The following BBS9 variants were observed in gnomAD, a reference collection of about 807,000 sequenced individuals.
BBS9 encodes Bardet-Biedl syndrome 9.
Under a neutral mutation model 117.7 loss-of-function variants are expected in BBS9, and 89 were observed. The ratio of observed to expected loss-of-function variants is 0.76; its 90% confidence interval spans 0.64 to 0.90. The LOEUF (loss-of-function observed/expected upper bound fraction) is 0.90, where lower values mean the gene tolerates loss of function less well. Among genes scored for constraint, BBS9 ranks in the 40% least tolerant of loss-of-function variants. The pLI, the probability that BBS9 is intolerant of heterozygous loss-of-function variation, is 0.00. For synonymous variants in BBS9, 379 were observed against 370.9 expected (o/e 1.02, Z -0.25); for missense variants, 982 against 1,042.2 (o/e 0.94, Z 0.80).
intron 4 of BBS9, among the ~76,000 whole-genome samples, chr7:33,167,820 T>C (rs1795935844): frequency 6.6e-6 from 1 of 152,168 alleles, no homozygotes; most frequent in Non-Finnish European, 1.5e-5. Flanking sequence ...AAAGATACCA[T>C]ACTCTAGGAT....
At chr7:33,504,632 C>T (rs989217798) in intron 19 of BBS9, among the ~76,000 whole-genome samples, 5 of 152,016 alleles carry the variant, frequency 3.3e-5, no homozygotes, top group African/African-American at 9.7e-5. Flanking sequence ...TGAGCCTCTG[C>T]GGCAGTCAGT....
intron 21 of BBS9, among the ~76,000 whole-genome samples, chr7:33,556,377 T>C (rs1855297382): frequency 6.6e-6 from 1 of 152,228 alleles, no homozygotes; most frequent in Non-Finnish European, 1.5e-5. Flanking sequence ...CCCAGTCTTA[T>C]GTTTTCCTTT....
intron 19 of BBS9, among the ~76,000 whole-genome samples, chr7:33,452,543 G>T (rs951626947): frequency 1.3e-5 from 2 of 152,176 alleles, no homozygotes; most frequent in African/African-American, 2.4e-5. Context: ...AAGATCATAT[G>T]TCCCTTATGG....
At chr7:33,291,407 T>G (rs1447625961) in intron 9 of BBS9, among the ~76,000 whole-genome samples, 1 of 152,226 alleles carries the variant, frequency 6.6e-6, no homozygotes, top group African/African-American at 2.4e-5. Context: ...ATGTTGCCTT[T>G]AGGAAGATTA....
chr7:33,285,483 A>G (rs77360549), intron 9 of BBS9, among the ~76,000 whole-genome samples: 1 of 152,198 alleles, frequency 6.6e-6, no homozygotes, highest in Non-Finnish European at 1.5e-5. Context: ...TGGACAAATT[A>G]TGTCAATCTC....
In BBS9 at chr7:33,357,841, C is replaced by G; in HGVS notation, c.1553-14C>G. 6.2e-7 allele frequency: 1 copy of G among 1,608,802 alleles called. No homozygotes were observed. The highest frequency in any genetic ancestry group is 8.5e-7 in the Non-Finnish European group (1 of 1,175,710). On this transcript the variant is annotated splice_polypyrimidine_tract_variant and intron_variant, in intron 15 of 22. Coordinates refer to ENST00000242067, the MANE Select transcript of BBS9 (RefSeq NM_198428.3). ...GTCAAGTCTATGAATCTACATATCT[C>G]TCTTTTATTTTAGGCATTCCGCGAG... is the stretch of plus-strand genomic sequence containing the variant.
At chr7:33,256,165 CA>C (rs1009496576) in intron 5 of BBS9, among the ~76,000 whole-genome samples, 25 of 111,436 alleles carry the variant, frequency 2.2e-4, no homozygotes, top group African/African-American at 5.7e-4. Context: ...TAAAAACAAA[CA>C]AAAAAAACAA....
At chr7:33,227,155 A>G (rs1399274048) in intron 5 of BBS9, among the ~76,000 whole-genome samples, 1 of 149,708 alleles carries the variant, frequency 6.7e-6, no homozygotes, top group African/African-American at 2.5e-5. Context: ...GGGACCTTAC[A>G]GCCATCAATT....
chr7:33,352,770 A>G (rs1419746706), intron 14 of BBS9, 89 bp from the exon 15 acceptor site: 3 of 1,398,656 alleles, frequency 2.1e-6, no homozygotes, highest in Admixed American at 1.7e-5. Context: ...TTAAGCAGAT[A>G]TGTGTCAAAT....
At chr7:33,264,569 C>T (rs1798496938) in intron 7 of BBS9, among the ~76,000 whole-genome samples, 195 bp downstream of exon 7, 1 of 151,960 alleles carries the variant, frequency 6.6e-6, no homozygotes. Context: ...TGGTCATGGT[C>T]TTAATATAAC....
chr7:33,279,772 TG>T (rs1290316820), intron 9 of BBS9, among the ~76,000 whole-genome samples: 9 of 152,216 alleles, frequency 5.9e-5, no homozygotes, highest in African/African-American at 2.2e-4. Context: ...TTTCAATTTT[TG>T]TAGGTCAGAC....
At chr7:33,186,272 G>A (rs1396787290) in intron 5 of BBS9, among the ~76,000 whole-genome samples, 1 of 152,176 alleles carries the variant, frequency 6.6e-6, no homozygotes, top group Non-Finnish European at 1.5e-5. Flanking sequence ...ATCTAGAGGT[G>A]TGCTATAGCC....
At chr7:33,632,322 G>C (rs1865928903) in intron 21 of BBS9, among the ~76,000 whole-genome samples, 1 of 152,186 alleles carries the variant, frequency 6.6e-6, no homozygotes, top group Non-Finnish European at 1.5e-5. Context: ...CCGACCCTAT[G>C]GTGGGGGGAT....
intron 9 of BBS9, among the ~76,000 whole-genome samples, chr7:33,279,653 AG>A (rs1801443737): frequency 6.6e-6 from 1 of 152,176 alleles, no homozygotes; most frequent in African/African-American, 2.4e-5. Context: ...TGGCAGCTTT[AG>A]TCCTCTCTAC....
intron 21 of BBS9, among the ~76,000 whole-genome samples, chr7:33,565,844 T>TTATATATATATATATATA (rs1554539789): frequency 1.2e-5 from 1 of 80,034 alleles, no homozygotes; most frequent in Non-Finnish European, 2.3e-5. Context: ...TATATACTGC[T>TTATATATATATATATATA]TATATATATA....
intron 19 of BBS9, among the ~76,000 whole-genome samples, chr7:33,408,144 G>A (rs533017836): frequency 2.0e-5 from 3 of 152,256 alleles, no homozygotes; most frequent in African/African-American, 7.2e-5. Context: ...GGCAATGGCG[G>A]GCGCCCCTCC....
chr7:33,482,505 A>G (rs1842633695), intron 19 of BBS9, among the ~76,000 whole-genome samples: 1 of 152,234 alleles, frequency 6.6e-6, no homozygotes, highest in African/African-American at 2.4e-5. Context: ...ATACAGTTGT[A>G]TAATTGAGAC....
At chr7:33,407,962 C>T (rs1417075194) in intron 19 of BBS9, among the ~76,000 whole-genome samples, 2 of 152,196 alleles carry the variant, frequency 1.3e-5, no homozygotes, top group Non-Finnish European at 2.9e-5. Flanking sequence ...CTGCTCTCCT[C>T]AAAGCTGTCA....
At chr7:33,531,022 A>G (rs1850493805) in intron 20 of BBS9, among the ~76,000 whole-genome samples, 2 of 152,150 alleles carry the variant, frequency 1.3e-5, no homozygotes, top group Admixed American at 1.3e-4. Flanking sequence ...AAGCAAGCAG[A>G]TCATCTGAGG....
Sources: allele counts gnomAD v4.1 joint callset (sites outside exome capture counted in the v4.1 genomes callset), GRCh38; gene constraint gnomAD v4.1.1; transcripts MANE v1.5; gene names NCBI Gene and HGNC (gene_info 2026-07-23, HGNC 2026-07-21).